CAPN9: variants seen among roughly 807,000 people sequenced by gnomAD.
The protein encoded by CAPN9 is calpain 9.
CAPN9 carries 81 observed loss-of-function variants against 92.8 expected under a neutral mutation model. That is an observed-to-expected ratio of 0.87 (90% confidence interval 0.73 to 1.05). The LOEUF (loss-of-function observed/expected upper bound fraction) is 1.05. Among genes scored for constraint, CAPN9 ranks in the 50% least tolerant of loss-of-function variants. The pLI is 0.00. For missense variants in CAPN9, 848 were observed against 866.2 expected (o/e 0.98, Z 0.26); for synonymous variants, 304 against 328.0 (o/e 0.93, Z 0.79).
At chr1:230,795,070 TCTC>T (rs1333942762) in intron 17 of CAPN9, 90 bp from the exon 18 acceptor site, 5 of 775,032 alleles carry the variant, frequency 6.5e-6, no homozygotes, top group African/African-American at 3.4e-5. Context: ...TTCTGAGCCC[TCTC>T]CTCAGCTGCC....
At chr1:230,794,873 C>T (rs1307295996) in intron 17 of CAPN9, among the ~76,000 whole-genome samples, 2 of 152,160 alleles carry the variant, frequency 1.3e-5, no homozygotes, top group Admixed American at 1.3e-4. Context: ...GTGATGTTAG[C>T]ATCAAAATTA....
chr1:230,763,429 C>T (rs1440611871), intron 4 of CAPN9, among the ~76,000 whole-genome samples: 1 of 152,130 alleles, frequency 6.6e-6, no homozygotes, highest in Non-Finnish European at 1.5e-5. Context: ...CCCCTGGCAA[C>T]ACCACTCTAC....
intron 7 of CAPN9, among the ~76,000 whole-genome samples, chr1:230,773,920 G>A (rs1359443888): frequency 6.6e-6 from 1 of 152,184 alleles, no homozygotes; most frequent in African/African-American, 2.4e-5. Context: ...TGAACTTGGA[G>A]TCACAAATCC....
chr1:230,774,488 C>A, intron 7 of CAPN9, 66 bp from the exon 8 acceptor site: 1 of 1,050,840 alleles, frequency 9.5e-7, no homozygotes, highest in Non-Finnish European at 1.5e-6. Flanking sequence ...CTGTGGGTTC[C>A]ACATCAAGGC....
intron 5 of CAPN9, 111 bp downstream of exon 5, chr1:230,767,820 A>G (rs1042103194): frequency 2.0e-6 from 2 of 1,018,674 alleles, no homozygotes; most frequent in Non-Finnish European, 2.9e-6. Context: ...AAGGAGGGGC[A>G]TAACTCTTGG....
In CAPN9 at chr1:230,791,928, C is replaced by T. The variant is rs995056082; in HGVS notation, c.1722C>T (p.Asp574=). 4.3e-5 allele frequency: 69 copies of T among 1,606,156 alleles called. No homozygotes were observed. The highest frequency in any genetic ancestry group is 1.6e-4 in the Middle Eastern group (1 of 6,072). The part of the protein sequence containing the change: ...ISCKNIISLM[D]TSGNGKLEFD... ...GTAAAAACATCATTTCCCTGATGGACGTATCCTTCCAAATATTTGAGCAGA... is the reference window on the plus strand; with the variant it reads ...GTAAAAACATCATTTCCCTGATGGATGTATCCTTCCAAATATTTGAGCAGA... Residue 574 remains aspartate, a splice_region_variant and synonymous_variant, in exon 15 of 20, where the codon GAC becomes GAT. Transcript: ENST00000271971.
At position 230,759,590 on chromosome 1, in the gene CAPN9, A is replaced by G. The variant is rs866485282; in HGVS notation, c.362A>G (p.Gln121Arg). 3 of 1,609,332 alleles carry G rather than the reference A, an allele frequency of 1.9e-6. No individual in the cohort carries two copies. The highest frequency in any genetic ancestry group is 1.7e-6 in the Non-Finnish European group (2 of 1,178,304). The change falls in exon 3 of 20, where the codon CAA (glutamine) becomes CGA (arginine). Residue 121 changes from glutamine to arginine, a missense_variant. Physicochemically the swap from Gln to Arg is conservative, Grantham distance 43 (BLOSUM62 1). Coordinates refer to ENST00000271971, the MANE Select transcript of CAPN9 (RefSeq NM_006615.3). Reference protein sequence around the residue: ...KALARVIPQDQSFGPGYAGIF... With the variant: ...KALARVIPQDRSFGPGYAGIF... ...CTGGCCAGAGTCATCCCCCAGGACC[A>G]AAGCTTTGGCCCTGGTTATGCCGGG...
intron 4 of CAPN9, among the ~76,000 whole-genome samples, chr1:230,766,821 T>C (rs1266186389): frequency 5.9e-5 from 9 of 152,076 alleles, no homozygotes; most frequent in Admixed American, 5.9e-4. Context: ...AAGTCACATC[T>C]TACATGGATG....
intron 8 of CAPN9, among the ~76,000 whole-genome samples, chr1:230,774,961 G>C: frequency 6.6e-6 from 1 of 151,844 alleles, no homozygotes; most frequent in East Asian, 1.9e-4. Flanking sequence ...GGCTAGTCTC[G>C]AACCCCTGAC....
At chr1:230,790,747 C>T (rs561169667) in intron 14 of CAPN9, among the ~76,000 whole-genome samples, 2 of 152,326 alleles carry the variant, frequency 1.3e-5, no homozygotes, top group Admixed American at 6.5e-5. Context: ...CAAGACCAGC[C>T]TGGTCAACAT....
At chr1:230,785,856 A>G in intron 11 of CAPN9, 125 bp from the exon 12 acceptor site, 1 of 891,550 alleles carries the variant, frequency 1.1e-6, no homozygotes. Flanking sequence ...GTGAAATGTA[A>G]ACAGCACTGA....
Position 230,786,025 on chromosome 1 carries a change from TTC to T in CAPN9, c.1518+10_1518+11del. The T allele has an allele frequency of 6.2e-7, 1 of 1,613,778 alleles. No individual in the cohort carries two copies. Among genetic ancestry groups the T allele is most frequent in the East Asian group, 2.2e-5 (1 of 44,882 alleles). On this transcript the variant is annotated intron_variant, in intron 12 of 19. Coordinates refer to ENST00000271971, the MANE Select transcript of CAPN9 (RefSeq NM_006615.3). ...GACATTGACCTTCCTGAGGTGAGTC[TTC>T]TGATGTTGCTATGGAGTATGGGATT...
Position 230,801,707 on chromosome 1 carries a change from A to G in CAPN9, c.*111A>G, listed in dbSNP as rs1668736751. On this transcript the variant is annotated 3_prime_UTR_variant, in exon 20 of 20. Transcript: ENST00000271971. The stretch of plus-strand genomic sequence containing the variant: ...TACGCCCAGGGTTCACTCCCCTCTC[A>G]TCGTCCGGCCTTCTCCCTTCATCTT... 1 of 946,326 alleles carries G rather than the reference A, an allele frequency of 1.1e-6. No individual in the cohort carries two copies. Among genetic ancestry groups the G allele is most frequent in the Admixed American group, 1.7e-5 (1 of 58,340 alleles). The allele number at this position is 946,326 out of a possible 1,614,324, so 58.6% of individuals were successfully genotyped here.
rs548244319 is a variant in CAPN9 at position 230,769,278 on chromosome 1, C to G, written c.789+15C>G. 2 of 1,582,618 alleles carry G rather than the reference C, an allele frequency of 1.3e-6. No homozygotes were observed. The highest frequency in any genetic ancestry group is 2.2e-5 in the East Asian group (1 of 44,710). Reference sequence around the variant, plus strand: ...GAATTGACCAGGTAGGCGACTTGAACTCCAACTGCAGGCTATGGGGAGACA... The same window carrying G: ...GAATTGACCAGGTAGGCGACTTGAAGTCCAACTGCAGGCTATGGGGAGACA... On this transcript the variant is annotated intron_variant, in intron 6 of 19. Coordinates refer to ENST00000271971, the MANE Select transcript of CAPN9 (RefSeq NM_006615.3).
At position 230,759,637 on chromosome 1, in the gene CAPN9, G is replaced by T. The variant is rs1377731000; in HGVS notation, c.402+7G>T. On this transcript the variant is annotated splice_region_variant and intron_variant, in intron 3 of 19. Transcript: ENST00000271971. ...CGGGATATTCCATTTCCAGGTAAGA[G>T]GGAGCCCTGGGCCAGTGGGTTTACC... The T allele has an allele frequency of 2.5e-6, 4 of 1,584,804 alleles. No individual in the cohort carries two copies. In the African/African-American group the frequency reaches 5.4e-5, roughly 21 times the overall value.
rs28359656 is a variant in CAPN9 at position 230,772,365 on chromosome 1, T to C, written c.875+266T>C. Among the ~76,000 whole-genome samples the C allele has an allele frequency of 7.0e-4, 107 of 152,346 alleles. No individual in the cohort carries two copies. The East Asian group carries it at 0.015, about 21-fold the overall frequency. ...TATGTCAATACATAAATGTGTTACC[T>C]CCCATGGTGATGTTTATAACCCAGT... On this transcript the variant is annotated intron_variant, in intron 7 of 19. Coordinates refer to ENST00000271971, the MANE Select transcript of CAPN9 (RefSeq NM_006615.3).
chr1:230,797,814 T>C (rs1668448190), intron 18 of CAPN9, among the ~76,000 whole-genome samples: 1 of 152,224 alleles, frequency 6.6e-6, no homozygotes, highest in Non-Finnish European at 1.5e-5. Context: ...TGCAAAACTT[T>C]ACGTGCGTGT....
intron 19 of CAPN9, among the ~76,000 whole-genome samples, chr1:230,799,462 T>C (rs1668544272): frequency 1.3e-5 from 2 of 152,228 alleles, no homozygotes; most frequent in African/African-American, 4.8e-5. Flanking sequence ...CATTATTATT[T>C]CATTGAGCCA....
chr1:230,784,276 A>T (rs1025642027), intron 11 of CAPN9, among the ~76,000 whole-genome samples: 3 of 152,242 alleles, frequency 2.0e-5, no homozygotes, highest in Non-Finnish European at 4.4e-5. Flanking sequence ...GAATTCAAGC[A>T]GGCTATGGAG....
Sources: gnomAD v4.1 joint callset for allele counts (sites outside exome capture counted in the v4.1 genomes callset) on GRCh38, gnomAD v4.1.1 for gene constraint, MANE v1.5 for transcripts, NCBI Gene and HGNC (gene_info 2026-07-23, HGNC 2026-07-21) for gene names.